GRID2: variants seen among roughly 807,000 people sequenced by gnomAD.
The protein encoded by GRID2 is glutamate ionotropic receptor delta type subunit 2.
In GRID2, 33 loss-of-function variants were observed where a neutral mutation model predicts 114.8. The ratio of observed to expected loss-of-function variants is 0.29; its 90% confidence interval spans 0.22 to 0.38. The LOEUF is 0.38. Among genes scored for constraint, GRID2 ranks in the 10% least tolerant of loss-of-function variants. The probability of loss-of-function intolerance (pLI) is 1.00; values close to 1 mark genes in which losing one functional copy is unlikely to be tolerated. For synonymous variants in GRID2, 505 were observed against 449.9 expected, an observed-to-expected ratio of 1.12 and a Z score of -1.55; for missense variants, 1,184 against 1,257.7, an observed-to-expected ratio of 0.94 and a Z score of 0.89.
chr4:92,975,488 A>G (rs913333495), intron 2 of GRID2, among the ~76,000 whole-genome samples: 11 of 152,098 alleles, frequency 7.2e-5, no homozygotes, highest in Admixed American at 3.3e-4. Context: ...GTACTTATCA[A>G]TGAAAAATAC....
At chr4:92,940,206 T>C (rs2149533765) in intron 2 of GRID2, among the ~76,000 whole-genome samples, 1 of 147,388 alleles carries the variant, frequency 6.8e-6, no homozygotes, top group African/African-American at 2.4e-5. Flanking sequence ...GAGCATGGAA[T>C]GTTCTTCCAT....
At chr4:93,786,816 T>C (rs1317870431) in intron 1 of GRID2, among the ~76,000 whole-genome samples, 1 of 152,198 alleles carries the variant, frequency 6.6e-6, no homozygotes, top group African/African-American at 2.4e-5. Flanking sequence ...CACATTTTTT[T>C]CAAATATCCT....
intron 1 of GRID2, among the ~76,000 whole-genome samples, chr4:92,556,750 G>T (rs1373764763): frequency 6.6e-6 from 1 of 152,012 alleles, no homozygotes; most frequent in Admixed American, 6.6e-5. Context: ...TTGCCTTGTG[G>T]GCCTCTCCAC....
chr4:92,941,612 T>G (rs990743197), intron 2 of GRID2, among the ~76,000 whole-genome samples: 3 of 152,210 alleles, frequency 2.0e-5, no homozygotes, highest in African/African-American at 7.2e-5. Flanking sequence ...TTCTGCTAGC[T>G]TTTGAATGTG....
At chr4:92,472,016 C>A (rs1433197430) in intron 1 of GRID2, among the ~76,000 whole-genome samples, 1 of 60,374 alleles carries the variant, frequency 1.7e-5, no homozygotes, top group Non-Finnish European at 3.3e-5. Context: ...TCACTGCAAG[C>A]TCCGCCTCCC....
chr4:92,881,589 A>G (rs577804032), intron 2 of GRID2, among the ~76,000 whole-genome samples: 22 of 152,362 alleles, frequency 1.4e-4, no homozygotes, highest in African/African-American at 4.8e-4. Context: ...ATAGTTGTCA[A>G]TAGATCATAT....
chr4:92,807,520 C>T lies in GRID2; in HGVS notation c.244+217234C>T, dbSNP rs1415397020. ...AAGGAGTTGTAATTGGAATATTTCT[C>T]AAATGAAGAATATGTGAATATTTTA... On this transcript the variant is annotated intron_variant, in intron 2 of 15. Coordinates refer to ENST00000282020, the MANE Select transcript of GRID2 (RefSeq NM_001510.4). Among the ~76,000 whole-genome samples the T allele has an allele frequency of 2.0e-5, 3 of 151,772 alleles. No homozygotes were observed. In the East Asian group the frequency reaches 5.8e-4, roughly 29 times the overall value.
chr4:93,515,108 GAT>G (rs2149490671), intron 12 of GRID2, 106 bp from the exon 13 acceptor site: 2 of 461,418 alleles, frequency 4.3e-6, no homozygotes, highest in Admixed American at 4.0e-5. Flanking sequence ...AAAGCAATTT[GAT>G]ATATGTTTCC....
At chr4:92,925,898 A>G (rs1028050840) in intron 2 of GRID2, among the ~76,000 whole-genome samples, 3 of 152,010 alleles carry the variant, frequency 2.0e-5, no homozygotes, top group African/African-American at 7.2e-5. Context: ...GACAAGAGTT[A>G]GTTTTAGATG....
intron 9 of GRID2, among the ~76,000 whole-genome samples, chr4:93,396,568 A>C (rs1286324120): frequency 6.6e-6 from 1 of 151,974 alleles, no homozygotes; most frequent in Non-Finnish European, 1.5e-5. Flanking sequence ...TATTTCTGGA[A>C]GTTTTCATTT....
At chr4:93,211,065 T>G (rs1237573416) in intron 5 of GRID2, among the ~76,000 whole-genome samples, 1 of 152,102 alleles carries the variant, frequency 6.6e-6, no homozygotes, top group African/African-American at 2.4e-5. Context: ...ATCACTAAAT[T>G]GAAATGGCCA....
rs187393709 is a variant in GRID2 at position 93,390,431 on chromosome 4, C to T, written c.1246-5176C>T. 5.9e-5 allele frequency among the ~76,000 whole-genome samples: 9 copies of T among 152,288 alleles called. No homozygotes were observed. The East Asian group carries it at 1.4e-3, about 23-fold the overall frequency. ...CTTTAGTCTCAGTGTGTCATGAACA[C>T]TTCTAAACACTTAACATATTTTAAA... On this transcript the variant is annotated intron_variant, in intron 8 of 15. Coordinates refer to ENST00000282020, the MANE Select transcript of GRID2 (RefSeq NM_001510.4).
chr4:92,465,768 T>C (rs1375742301), intron 1 of GRID2, among the ~76,000 whole-genome samples: 2 of 152,010 alleles, frequency 1.3e-5, no homozygotes, highest in African/African-American at 4.8e-5. Context: ...GATTGTGAGA[T>C]GTTAATACAG....
At chr4:92,805,964 C>A (rs1206263844) in intron 2 of GRID2, among the ~76,000 whole-genome samples, 1 of 151,766 alleles carries the variant, frequency 6.6e-6, no homozygotes, top group Non-Finnish European at 1.5e-5. Context: ...ACCTTCCTGG[C>A]ACTACACAAT....
At chr4:93,000,965 T>G (rs1049362790) in intron 2 of GRID2, among the ~76,000 whole-genome samples, 1 of 151,438 alleles carries the variant, frequency 6.6e-6, no homozygotes, top group South Asian at 2.1e-4. Context: ...ATAAAATAAT[T>G]TTGAGAGAAG....
At chr4:92,405,402 A>C (rs953548655) in intron 1 of GRID2, among the ~76,000 whole-genome samples, 1 of 152,170 alleles carries the variant, frequency 6.6e-6, no homozygotes, top group African/African-American at 2.4e-5. Flanking sequence ...TAGCGGGGAC[A>C]GACGCTGAAC....
chr4:92,641,798 T>A lies in GRID2; in HGVS notation c.244+51512T>A, dbSNP rs550750933. Among the ~76,000 whole-genome samples the A allele has an allele frequency of 3.3e-5, 5 of 151,624 alleles. No homozygotes were observed. The East Asian group carries it at 5.9e-4, about 18-fold the overall frequency. On this transcript the variant is annotated intron_variant, in intron 2 of 15. Transcript: ENST00000282020. ...ATGCATGCCCCCTCCTTCTCCCTCC[T>A]CCAGTAGTCTTCAGTGTCTATTCCC... is the stretch of plus-strand genomic sequence containing the variant.
At chr4:93,305,377 A>C (rs1755308986) in intron 8 of GRID2, among the ~76,000 whole-genome samples, 1 of 152,190 alleles carries the variant, frequency 6.6e-6, no homozygotes, top group South Asian at 2.1e-4. Flanking sequence ...CTAATATGCT[A>C]ATCTGCATGG....
chr4:92,926,658 T>A (rs1749831156), intron 2 of GRID2, among the ~76,000 whole-genome samples: 1 of 151,972 alleles, frequency 6.6e-6, no homozygotes, highest in African/African-American at 2.4e-5. Context: ...TGAATTTCAT[T>A]GTTTTGGCAT....
Sources: allele counts gnomAD v4.1 joint callset (sites outside exome capture counted in the v4.1 genomes callset), GRCh38; gene constraint gnomAD v4.1.1; transcripts MANE v1.5; gene names NCBI Gene and HGNC (gene_info 2026-07-23, HGNC 2026-07-21).